The following NCOR1 variants were observed in gnomAD, a reference collection of about 807,000 sequenced individuals.
NCOR1 encodes the protein nuclear receptor corepressor 1.
In NCOR1, 63 loss-of-function variants were observed where a neutral mutation model predicts 288.1. That is an observed-to-expected ratio of 0.22 (90% CI 0.18 to 0.27). The LOEUF is 0.27. Ranked by LOEUF, NCOR1 falls within the 10% of genes least tolerant of loss-of-function variation. The pLI is 1.00. For missense variants in NCOR1, 2,397 were observed against 3,019.2 expected, an observed-to-expected ratio of 0.79 and a Z score of 4.83; for synonymous variants, 1,007 against 1,065.9, an observed-to-expected ratio of 0.94 and a Z score of 1.08.
Position 16,048,883 on chromosome 17 carries a change from C to T in NCOR1, c.6498G>A (p.Leu2166=). The change falls in exon 41 of 46, where the codon CTG becomes CTA. Residue 2166 remains leucine, a synonymous_variant. Transcript: ENST00000268712. ...PVVHEKQDSL[L]LLSQRGAEPA... ...GCTCTGCGCCCCTCTGAGACAAGAG[C>T]AGCAAGCTGTCCTGTTTCTCATGCA... The T allele has an allele frequency of 6.2e-7, 1 of 1,613,810 alleles. No individual in the cohort carries two copies. The highest frequency in any genetic ancestry group is 8.5e-7 in the Non-Finnish European group (1 of 1,179,788).
rs553697182 is a variant in NCOR1, at chr17:16,189,922, C to T, written c.109-3235G>A. On this transcript the variant is annotated intron_variant, in intron 2 of 45. Coordinates refer to ENST00000268712, the MANE Select transcript of NCOR1 (RefSeq NM_006311.4). ...AGTTCAGAGGAAAATAACGTTGAAG[C>T]TACAAATTGAATAACTAAGTCATCA... 3.3e-5 allele frequency among the ~76,000 whole-genome samples: 5 copies of T among 152,240 alleles called. No individual in the cohort carries two copies. In the South Asian group the frequency reaches 1.0e-3, roughly 32 times the overall value.
At chr17:16,184,495 T>C (rs1204930791) in intron 3 of NCOR1, among the ~76,000 whole-genome samples, 1 of 152,192 alleles carries the variant, frequency 6.6e-6, no homozygotes, top group East Asian at 1.9e-4. Context: ...GGGAACTGTA[T>C]ATTAAAAGCA....
rs73280225 is a variant in NCOR1 at position 16,083,861 on chromosome 17, G to T, written c.3177+2421C>A. Among the ~76,000 whole-genome samples the T allele has an allele frequency of 4.1e-3, 629 of 151,984 alleles. 3 individuals carry two copies. Among genetic ancestry groups the T allele is most frequent in the African/African-American group, 0.015 (601 of 41,428 alleles). On this transcript the variant is annotated intron_variant, in intron 23 of 45. Transcript: ENST00000268712. The stretch of plus-strand genomic sequence containing the variant: ...TTTTACTTAAATGATTCATGTTTGG[G>T]GGGGGAAATAAACATCACCCTTAAA...
chr17:16,164,580 A>C (rs1354587330), intron 5 of NCOR1, among the ~76,000 whole-genome samples: 1 of 152,196 alleles, frequency 6.6e-6, no homozygotes, highest in East Asian at 1.9e-4. Context: ...AGCTGCCAGT[A>C]GGAATGTAAA....
chr17:16,126,400 C>G (rs567995566), intron 14 of NCOR1, among the ~76,000 whole-genome samples, 194 bp from the exon 15 acceptor site: 33 of 152,088 alleles, frequency 2.2e-4, no homozygotes, highest in Admixed American at 7.2e-4. Flanking sequence ...GGGTCCTACA[C>G]GCAGACACAA....
intron 22 of NCOR1, 107 bp downstream of exon 22, chr17:16,091,756 A>T: frequency 6.4e-7 from 1 of 1,563,410 alleles, no homozygotes. Context: ...CAAATATAAT[A>T]ATCAGTTGGG....
chr17:16,158,135 G>T (rs2153415835), intron 6 of NCOR1, among the ~76,000 whole-genome samples: 2 of 152,150 alleles, frequency 1.3e-5, no homozygotes, highest in Middle Eastern at 6.8e-3. Flanking sequence ...CACCACGCCT[G>T]GCTAATTTTT....
At chr17:16,112,031 G>A (rs1259733506) in intron 18 of NCOR1, among the ~76,000 whole-genome samples, 10 of 151,914 alleles carry the variant, frequency 6.6e-5, no homozygotes, top group East Asian at 1.9e-4. Flanking sequence ...CACCATGCCC[G>A]GCTAATTTTT....
At chr17:16,107,349 C>A (rs1305176891) in intron 19 of NCOR1, among the ~76,000 whole-genome samples, 1 of 152,080 alleles carries the variant, frequency 6.6e-6, no homozygotes, top group Non-Finnish European at 1.5e-5. Flanking sequence ...GAGATTATAA[C>A]AGTGGGCTCT....
At chr17:16,208,421 C>T (rs1222913503) in intron 1 of NCOR1, among the ~76,000 whole-genome samples, 1 of 151,652 alleles carries the variant, frequency 6.6e-6, no homozygotes. Context: ...AAATTCCCTG[C>T]ATATAAAAAT....
intron 14 of NCOR1, among the ~76,000 whole-genome samples, chr17:16,131,658 G>A (rs556068574): frequency 7.9e-5 from 12 of 152,146 alleles, no homozygotes; most frequent in East Asian, 7.7e-4. Flanking sequence ...AATATACTTC[G>A]GGAAATAAAC....
chr17:16,046,263 C>G (rs1422585888), intron 42 of NCOR1, among the ~76,000 whole-genome samples: 1 of 152,044 alleles, frequency 6.6e-6, no homozygotes, highest in African/African-American at 2.4e-5. Context: ...AAAAGTAGAG[C>G]GAGGGCAAGG....
chr17:16,119,839 T>C (rs2072611068), intron 16 of NCOR1, among the ~76,000 whole-genome samples: 2 of 152,142 alleles, frequency 1.3e-5, no homozygotes, highest in African/African-American at 4.8e-5. Flanking sequence ...TCCTCCTTCC[T>C]GTCCAAGCAC....
chr17:16,109,168 T>C (rs977659250), intron 18 of NCOR1, among the ~76,000 whole-genome samples: 3 of 152,136 alleles, frequency 2.0e-5, no homozygotes, highest in African/African-American at 7.2e-5. Flanking sequence ...CTCACCACTA[T>C]ACATGTATAA....
chr17:16,203,326 T>A (rs2091092206), intron 1 of NCOR1, among the ~76,000 whole-genome samples: 1 of 152,134 alleles, frequency 6.6e-6, no homozygotes, highest in East Asian at 1.9e-4. Context: ...CTTTCCAGAT[T>A]GCTCACTAGG....
intron 30 of NCOR1, among the ~76,000 whole-genome samples, chr17:16,070,838 T>G (rs913934110): frequency 6.6e-6 from 1 of 152,080 alleles, no homozygotes; most frequent in African/African-American, 2.4e-5. Flanking sequence ...GAAACCAGCC[T>G]GACCAACATG....
chr17:16,190,994 C>T (rs2088136125), intron 2 of NCOR1, among the ~76,000 whole-genome samples: 1 of 152,148 alleles, frequency 6.6e-6, no homozygotes. Context: ...AGCAACCGTA[C>T]AAGGTTTGGA....
At chr17:16,160,896 C>A (rs533425668) in intron 5 of NCOR1, among the ~76,000 whole-genome samples, 1 of 152,020 alleles carries the variant, frequency 6.6e-6, no homozygotes, top group Non-Finnish European at 1.5e-5. Context: ...GTTTCTGAAC[C>A]TATTCTGGCT....
chr17:16,097,735 T>G (rs896237965), intron 21 of NCOR1, among the ~76,000 whole-genome samples: 21 of 152,192 alleles, frequency 1.4e-4, no homozygotes, highest in African/African-American at 5.1e-4. Context: ...CTCTGAGGCA[T>G]TTTAGCAAAT....
Sources: allele counts gnomAD v4.1 joint callset (sites outside exome capture counted in the v4.1 genomes callset), GRCh38; gene constraint gnomAD v4.1.1; transcripts MANE v1.5; gene names NCBI Gene and HGNC (gene_info 2026-07-23, HGNC 2026-07-21).